ADGRB3: variants seen among roughly 807,000 people sequenced by gnomAD.
ADGRB3 encodes brain-specific angiogenesis inhibitor 3.
A neutral mutation model predicts 193.4 loss-of-function variants in ADGRB3; 37 were observed. The observed-to-expected ratio is 0.19, with a 90% CI of 0.15 to 0.25. The LOEUF is 0.25. ADGRB3 is among the 10% of genes least tolerant of loss of function. The pLI is 1.00. For synonymous variants in ADGRB3, 690 were observed against 644.2 expected (o/e 1.07, Z -1.08); for missense variants, 1,637 against 1,852.9 (o/e 0.88, Z 2.14).
chr6:69,163,338 T>C (rs1775046994), intron 17 of ADGRB3, among the ~76,000 whole-genome samples: 1 of 152,094 alleles, frequency 6.6e-6, no homozygotes, highest in Non-Finnish European at 1.5e-5. Context: ...TCTGATTCTT[T>C]ACTTTAATTG....
intron 17 of ADGRB3, among the ~76,000 whole-genome samples, chr6:69,133,844 C>G (rs951998259): frequency 1.3e-5 from 2 of 151,996 alleles, no homozygotes; most frequent in Admixed American, 1.3e-4. Context: ...CCATCCCACC[C>G]TTTCCCTGCA....
At position 68,936,668 on chromosome 6, in the gene ADGRB3, G is replaced by T. The variant is rs939108810; in HGVS notation, c.1018G>T (p.Ala340Ser). The T allele has an allele frequency of 7.4e-6, 12 of 1,612,970 alleles. No individual in the cohort carries two copies. The highest frequency in any genetic ancestry group is 1.0e-5 in the Non-Finnish European group (12 of 1,179,604). The change falls in exon 5 of 32, where the codon GCC becomes TCC. Residue 340 changes from alanine (A) to serine (S), a missense_variant. Around this residue, in one of 7 missense-constraint regions of ADGRB3, gnomAD observed 365 missense variants for 409.8 expected, o/e 0.89. Transcript: ENST00000370598. ...AGAATCAAGGGTTTGCAATAACACT[G>T]CCCTCTGTCCAGGTAGTGTTAGCAG... ...LRESRVCNNT[A>S]LCPVHGVWEE...
At chr6:68,838,186 C>T (rs1768082319) in intron 3 of ADGRB3, among the ~76,000 whole-genome samples, 1 of 152,228 alleles carries the variant, frequency 6.6e-6, no homozygotes, top group East Asian at 1.9e-4. Context: ...CTTAAAAGAG[C>T]TTAATAGAAC....
intron 29 of ADGRB3, among the ~76,000 whole-genome samples, chr6:69,368,575 A>C (rs936902777): frequency 1.3e-5 from 2 of 152,218 alleles, no homozygotes; most frequent in Middle Eastern, 3.4e-3. Context: ...AAATCATGGG[A>C]ATGAATTATG....
At chr6:68,760,507 A>T (rs371981885) in intron 3 of ADGRB3, among the ~76,000 whole-genome samples, 1 of 152,230 alleles carries the variant, frequency 6.6e-6, no homozygotes, top group East Asian at 1.9e-4. Context: ...AGAAAATGAC[A>T]TTACCAAGTA....
intron 3 of ADGRB3, among the ~76,000 whole-genome samples, chr6:68,827,549 G>A (rs977715261): frequency 6.6e-6 from 1 of 151,952 alleles, no homozygotes; most frequent in African/African-American, 2.4e-5. Flanking sequence ...CTGGGATTTT[G>A]CTCCGGAATA....
At chr6:68,924,264 G>A (rs1767120998) in intron 3 of ADGRB3, among the ~76,000 whole-genome samples, 2 of 151,984 alleles carry the variant, frequency 1.3e-5, no homozygotes, top group African/African-American at 4.8e-5. Context: ...TTCTTGCATG[G>A]AAGAGTGTGT....
rs188966566 is a variant in ADGRB3 at position 69,382,727 on chromosome 6, C to T, written c.4276-104C>T. ...ATCTTATAGGACCTCCTGGTTCCTG[C>T]CAAACTTGATTACCCTTATTATTAA... On this transcript the variant is annotated intron_variant, in intron 30 of 31. Coordinates refer to ENST00000370598, the MANE Select transcript of ADGRB3 (RefSeq NM_001704.3). 5 of 731,428 alleles carry T rather than the reference C, an allele frequency of 6.8e-6. No homozygotes were observed. In the Admixed American group the frequency reaches 1.0e-4, roughly 15 times the overall value. 45.3% of individuals were successfully genotyped at this position (731,428 alleles called of 1,614,324 possible).
At chr6:69,017,006 A>G (rs1770111525) in intron 12 of ADGRB3, among the ~76,000 whole-genome samples, 1 of 151,944 alleles carries the variant, frequency 6.6e-6, no homozygotes, top group Admixed American at 6.6e-5. Context: ...ACATTCTTGA[A>G]AGTGGGATGA....
At chr6:68,693,138 CAG>C (rs1359857496) in intron 3 of ADGRB3, among the ~76,000 whole-genome samples, 1 of 151,752 alleles carries the variant, frequency 6.6e-6, no homozygotes, top group African/African-American at 2.4e-5. Flanking sequence ...AATTAAAACA[CAG>C]AAATGCAAGG....
rs991548819 is a variant in ADGRB3 at position 69,085,490 on chromosome 6, A to G, written c.2480+9452A>G. Among the ~76,000 whole-genome samples, 3 of 152,140 alleles carry G rather than the reference A, an allele frequency of 2.0e-5. No individual in the cohort carries two copies. The East Asian group carries it at 5.8e-4, about 29-fold the overall frequency. On this transcript the variant is annotated intron_variant, in intron 17 of 31. Transcript: ENST00000370598. ...TCTAATGTCTGTGGTTCTATTTTGA[A>G]AAGACTTTATATTGCTGAGAATTTA...
chr6:68,796,632 A>G (rs1316242244), intron 3 of ADGRB3, among the ~76,000 whole-genome samples: 1 of 152,178 alleles, frequency 6.6e-6, no homozygotes, highest in East Asian at 1.9e-4. Context: ...TATCTTGGTG[A>G]CAGTGCTAAA....
intron 13 of ADGRB3, among the ~76,000 whole-genome samples, chr6:69,033,098 T>TTTA (rs1237286757): frequency 6.6e-6 from 1 of 152,136 alleles, no homozygotes; most frequent in Non-Finnish European, 1.5e-5. Flanking sequence ...TATTGTGTAC[T>TTTA]TTACAAAGAA....
At chr6:68,906,189 T>G (rs1766540209) in intron 3 of ADGRB3, among the ~76,000 whole-genome samples, 1 of 151,942 alleles carries the variant, frequency 6.6e-6, no homozygotes, top group Admixed American at 6.6e-5. Flanking sequence ...ATTAATTTCA[T>G]TATTAGTAGT....
intron 3 of ADGRB3, among the ~76,000 whole-genome samples, chr6:68,783,291 A>AATATATATATAT (rs72235249): frequency 5.6e-5 from 8 of 144,066 alleles, no homozygotes; most frequent in South Asian, 2.2e-4. Context: ...TGCCTCCCTA[A>AATATATATATAT]ATATATATAT....
chr6:69,363,995 T>A (rs7763731), intron 29 of ADGRB3, among the ~76,000 whole-genome samples: 3,508 of 151,946 alleles, frequency 0.023, 98 homozygotes, highest in African/African-American at 0.071. Flanking sequence ...AAGGTGAAAA[T>A]GGTAAATAAT....
intron 3 of ADGRB3, among the ~76,000 whole-genome samples, chr6:68,909,493 G>C (rs1441047900): frequency 6.6e-6 from 1 of 152,138 alleles, no homozygotes; most frequent in Non-Finnish European, 1.5e-5. Context: ...CCACAGAAAT[G>C]TAAATAAGGC....
intron 26 of ADGRB3, among the ~76,000 whole-genome samples, chr6:69,347,341 A>G (rs977901391): frequency 6.6e-6 from 1 of 152,062 alleles, no homozygotes; most frequent in Non-Finnish European, 1.5e-5. Context: ...AGTTATCCCA[A>G]AACTTAAATT....
chr6:68,744,841 C>T lies in ADGRB3; in HGVS notation c.757+105409C>T, dbSNP rs148286945. ...CCATGGCACGTGTATACCTATGTAA[C>T]AAAACTACACGTTCTGCACATGTAC... On this transcript the variant is annotated intron_variant, in intron 3 of 31. Transcript: ENST00000370598. 4.5e-3 allele frequency among the ~76,000 whole-genome samples: 687 copies of T among 152,108 alleles called. 2 individuals carry two copies. Among genetic ancestry groups the T allele is most frequent in the Middle Eastern group, 0.024 (7 of 294 alleles).
Sources: gnomAD v4.1 joint callset for allele counts (sites outside exome capture counted in the v4.1 genomes callset) on GRCh38, gnomAD v4.1.1 for gene constraint, gnomAD v4.1.1 regional missense constraint, MANE v1.5 for transcripts, NCBI Gene and HGNC (gene_info 2026-07-23, HGNC 2026-07-21) for gene names.